KIAA0825: variants seen among roughly 807,000 people sequenced by gnomAD.
KIAA0825 encodes the protein KIAA0825, also known as uncharacterized protein KIAA0825.
KIAA0825 carries 119 observed loss-of-function variants against 147.6 expected under a neutral mutation model. The observed-to-expected ratio is 0.81, with a 90% CI of 0.69 to 0.94. The LOEUF (loss-of-function observed/expected upper bound fraction) is 0.94. Ranked by LOEUF, KIAA0825 falls within the 40% of genes least tolerant of loss-of-function variation. The pLI, the probability that KIAA0825 is intolerant of heterozygous loss-of-function variation, is 0.00. For synonymous variants in KIAA0825, 470 were observed against 518.1 expected (o/e 0.91, Z 1.26); for missense variants, 1,381 against 1,472.7 (o/e 0.94, Z 1.02).
chr5:94,350,084 C>T (rs527618624), intron 20 of KIAA0825, among the ~76,000 whole-genome samples: 15 of 152,140 alleles, frequency 9.9e-5, no homozygotes, highest in East Asian at 3.9e-4. Flanking sequence ...CACTAAGAAA[C>T]GAAACAGGAG....
At chr5:94,232,974 A>G (rs1774822969) in intron 20 of KIAA0825, among the ~76,000 whole-genome samples, 1 of 152,172 alleles carries the variant, frequency 6.6e-6, no homozygotes, top group Admixed American at 6.5e-5. Flanking sequence ...ATTAACAGGG[A>G]GTAATTAAAG....
chr5:94,359,583 C>G (rs1744786522), intron 20 of KIAA0825, among the ~76,000 whole-genome samples: 1 of 151,960 alleles, frequency 6.6e-6, no homozygotes, highest in Admixed American at 6.6e-5. Context: ...ATAGTGAGAC[C>G]TCCATCTCTT....
chr5:94,573,131 G>A (rs1780286532), intron 2 of KIAA0825, among the ~76,000 whole-genome samples: 1 of 151,722 alleles, frequency 6.6e-6, no homozygotes, highest in Non-Finnish European at 1.5e-5. Flanking sequence ...GGGGGGTTGG[G>A]GGGGTTGTTC....
intron 20 of KIAA0825, among the ~76,000 whole-genome samples, chr5:94,250,692 C>T (rs1775909936): frequency 2.0e-5 from 3 of 152,042 alleles, no homozygotes; most frequent in Non-Finnish European, 2.9e-5. Flanking sequence ...TTTCATGGCT[C>T]AACTGGTTCT....
chr5:94,608,399 C>A, intron 1 of KIAA0825, among the ~76,000 whole-genome samples: 1 of 88,640 alleles, frequency 1.1e-5, no homozygotes, highest in Non-Finnish European at 2.3e-5. Flanking sequence ...GTAACTGGGA[C>A]TACAGGTGTG....
At chr5:94,546,969 G>A (rs994462523) in intron 2 of KIAA0825, among the ~76,000 whole-genome samples, 5 of 151,736 alleles carry the variant, frequency 3.3e-5, no homozygotes, top group East Asian at 1.9e-4. Flanking sequence ...TCAAGATAAC[G>A]CAGAGAAGGA....
intron 3 of KIAA0825, among the ~76,000 whole-genome samples, chr5:94,531,985 G>A (rs569309179): frequency 4.6e-5 from 7 of 152,024 alleles, no homozygotes; most frequent in Non-Finnish European, 1.0e-4. Context: ...CCATCATACG[G>A]AAAACTTGAA....
chr5:94,262,978 C>T (rs1292973708), intron 20 of KIAA0825, among the ~76,000 whole-genome samples: 1 of 152,110 alleles, frequency 6.6e-6, no homozygotes, highest in African/African-American at 2.4e-5. Flanking sequence ...ACTATGCTCC[C>T]TAGAAATGGA....
At chr5:94,242,086 C>A (rs1583946549) in intron 20 of KIAA0825, among the ~76,000 whole-genome samples, 1 of 152,086 alleles carries the variant, frequency 6.6e-6, no homozygotes, top group African/African-American at 2.4e-5. Context: ...AGAATTAATT[C>A]TTTGCTACAC....
At chr5:94,531,309 A>G (rs1405434740) in intron 3 of KIAA0825, among the ~76,000 whole-genome samples, 4 of 152,314 alleles carry the variant, frequency 2.6e-5, no homozygotes, top group Middle Eastern at 3.4e-3. Context: ...AAGTATCACC[A>G]TAGACAATCA....
chr5:94,244,465 T>C (rs544867868), intron 20 of KIAA0825, among the ~76,000 whole-genome samples: 1 of 152,252 alleles, frequency 6.6e-6, no homozygotes, highest in East Asian at 1.9e-4. Context: ...TCTGGCTAGC[T>C]GGGACTACAG....
intron 20 of KIAA0825, among the ~76,000 whole-genome samples, chr5:94,179,787 A>C (rs1247413461): frequency 6.6e-6 from 1 of 152,168 alleles, no homozygotes; most frequent in African/African-American, 2.4e-5. Context: ...AAGTTGAACA[A>C]CTTGTGCAAC....
At chr5:94,594,169 T>A (rs1784850081) in intron 1 of KIAA0825, 1 of 565,022 alleles carries the variant, frequency 1.8e-6, no homozygotes, top group South Asian at 1.4e-5. Flanking sequence ...AATATCAAAT[T>A]CTTAGCTAGA....
At chr5:94,467,569 G>C (rs989803427) in intron 10 of KIAA0825, among the ~76,000 whole-genome samples, 2 of 152,176 alleles carry the variant, frequency 1.3e-5, no homozygotes, top group African/African-American at 4.8e-5. Context: ...ATCGTGACCA[G>C]CACCTCATCA....
At chr5:94,195,130 C>T (rs1771015814) in intron 20 of KIAA0825, among the ~76,000 whole-genome samples, 1 of 152,152 alleles carries the variant, frequency 6.6e-6, no homozygotes, top group Non-Finnish European at 1.5e-5. Flanking sequence ...TCTGTACTCC[C>T]CGTGGTGACT....
rs920579869 is a variant in KIAA0825 at position 94,151,728 on chromosome 5, G to A, written c.*2279C>T. ...TCCCAGGATTAATACAGGAATATAC[G>A]AATTCAATAATAATAGCTTTAAAAG... is the stretch of plus-strand genomic sequence containing the variant. On this transcript the variant is annotated 3_prime_UTR_variant, in exon 21 of 21. Coordinates refer to ENST00000682413, the MANE Select transcript of KIAA0825 (RefSeq NM_001145678.3). 5.3e-5 allele frequency among the ~76,000 whole-genome samples: 8 copies of A among 152,088 alleles called. No homozygotes were observed. Among genetic ancestry groups the A allele is most frequent in the African/African-American group, 9.7e-5 (4 of 41,400 alleles).
intron 6 of KIAA0825, among the ~76,000 whole-genome samples, chr5:94,478,064 A>C (rs188233853): frequency 2.6e-5 from 4 of 152,294 alleles, no homozygotes; most frequent in East Asian, 1.9e-4. Flanking sequence ...CAAATTTCAA[A>C]ATCTAACTGT....
chr5:94,322,440 T>C (rs916942164), intron 20 of KIAA0825, among the ~76,000 whole-genome samples: 1 of 151,800 alleles, frequency 6.6e-6, no homozygotes, highest in Non-Finnish European at 1.5e-5. Flanking sequence ...AGGGCCAACA[T>C]CCGTTAAACA....
intron 20 of KIAA0825, among the ~76,000 whole-genome samples, chr5:94,372,058 CA>C (rs1267079388): frequency 2.6e-5 from 4 of 152,182 alleles, no homozygotes; most frequent in Non-Finnish European, 5.9e-5. Flanking sequence ...CTTAAAATTC[CA>C]AAATGATCTC....
Sources: gnomAD v4.1 joint callset for allele counts (sites outside exome capture counted in the v4.1 genomes callset) on GRCh38, gnomAD v4.1.1 for gene constraint, MANE v1.5 for transcripts, NCBI Gene and HGNC (gene_info 2026-07-23, HGNC 2026-07-21) for gene names.